The following IST1 variants were observed in gnomAD, a reference collection of about 807,000 sequenced individuals.
The protein encoded by IST1 is IST1 homolog.
IST1 carries 23 observed loss-of-function variants against 37.0 expected under a neutral mutation model. The observed-to-expected ratio is 0.62, with a 90% confidence interval of 0.45 to 0.88. IST1 has a LOEUF of 0.88. Ranked by LOEUF, IST1 falls within the 40% of genes least tolerant of loss-of-function variation. IST1 has a pLI of 0.00. For missense variants in IST1, 488 were observed against 445.4 expected (o/e 1.10, Z -0.86); for synonymous variants, 180 against 161.7 (o/e 1.11, Z -0.86).
At chr16:71,896,686 G>A (rs902113833) in intron 1 of IST1, among the ~76,000 whole-genome samples, 12 of 152,236 alleles carry the variant, frequency 7.9e-5, no homozygotes, top group Admixed American at 3.9e-4. Context: ...ATAGTCATTA[G>A]AAGATAAAAC....
At position 71,923,573 on chromosome 16, in the gene IST1, T is replaced by C. The variant is rs1425738370; in HGVS notation, c.852+193T>C. 1.4e-5 allele frequency: 6 copies of C among 435,492 alleles called. No individual in the cohort carries two copies. The East Asian group carries it at 2.5e-4, about 18-fold the overall frequency. The allele number at this position is 435,492 out of a possible 1,614,324, so 27.0% of individuals were successfully genotyped here. A position where few individuals can be genotyped will look rare whatever the true frequency, so the allele number is the denominator to read the frequency against. ...TGGGTGGTGATGGCAGTATCATTGG[T>C]GGCAATGCTTTGTCTGCAATTAAGC... On this transcript the variant is annotated intron_variant, in intron 8 of 9. Transcript: ENST00000378799.
At chr16:71,906,129 G>A (rs1190633121) in intron 1 of IST1, among the ~76,000 whole-genome samples, 2 of 150,116 alleles carry the variant, frequency 1.3e-5, no homozygotes, top group East Asian at 2.0e-4. Context: ...TCAGCCTCCC[G>A]AGTAGCTGAG....
Position 71,922,689 on chromosome 16 carries a change from A to AAG in IST1, c.759+9_759+10insAG, listed in dbSNP as rs75418123. ...CACTGCCAAAGGGACCAGTAAGTAT[A>AAG]TATAAGTGTGGATGTAAGCTTTAGA... On this transcript the variant is annotated intron_variant, in intron 7 of 9. Coordinates refer to ENST00000378799, the MANE Select transcript of IST1 (RefSeq NM_001270975.2). 0.42 allele frequency: 552,709 copies of AAG among 1,325,540 alleles called. 102,001 individuals are homozygous for AAG. Among genetic ancestry groups the AAG allele is most frequent in the East Asian group, 0.73 (27,459 of 37,842 alleles). 82.1% of individuals were successfully genotyped at this position (1,325,540 alleles called of 1,614,324 possible). A position where few individuals can be genotyped will look rare whatever the true frequency, so the allele number is the denominator to read the frequency against.
Position 71,907,898 on chromosome 16 carries a change from C to T in IST1, c.-15-7728C>T, listed in dbSNP as rs575241811. 1.8e-4 allele frequency among the ~76,000 whole-genome samples: 28 copies of T among 152,358 alleles called. 1 individual carries two copies. Among genetic ancestry groups the T allele is most frequent in the African/African-American group, 6.5e-4 (27 of 41,594 alleles). ...CTAGACTCAAGCAGTCCTCCTGCCTCAGCCCCCTGAGAAGCAAGGATTAGT... is the reference window on the plus strand; with the variant it reads ...CTAGACTCAAGCAGTCCTCCTGCCTTAGCCCCCTGAGAAGCAAGGATTAGT... On this transcript the variant is annotated intron_variant, in intron 1 of 9. Coordinates refer to ENST00000378799, the MANE Select transcript of IST1 (RefSeq NM_001270975.2).
chr16:71,924,913 A>G, intron 9 of IST1, 96 bp downstream of exon 9: 1 of 841,582 alleles, frequency 1.2e-6, no homozygotes, highest in East Asian at 2.5e-5. Context: ...TTCCATGTCC[A>G]TGGACTTCTA....
At chr16:71,927,162 T>G (rs748026908) in intron 9 of IST1, among the ~76,000 whole-genome samples, 7 of 152,202 alleles carry the variant, frequency 4.6e-5, no homozygotes, top group Non-Finnish European at 1.0e-4. Flanking sequence ...AATTAGAAAA[T>G]GTAGATATTA....
intron 4 of IST1, among the ~76,000 whole-genome samples, chr16:71,919,533 CG>C (rs2037534381): frequency 6.6e-6 from 1 of 152,176 alleles, no homozygotes; most frequent in South Asian, 2.1e-4. Context: ...ACAAGAGGTG[CG>C]TGCCACCATG....
chr16:71,902,766 T>C (rs1567460740), intron 1 of IST1, among the ~76,000 whole-genome samples: 2 of 152,228 alleles, frequency 1.3e-5, no homozygotes, highest in African/African-American at 4.8e-5. Flanking sequence ...CTGATACTGA[T>C]AATTTATATG....
chr16:71,906,247 C>T (rs1239838793), intron 1 of IST1, among the ~76,000 whole-genome samples: 2 of 151,880 alleles, frequency 1.3e-5, no homozygotes, highest in Non-Finnish European at 2.9e-5. Flanking sequence ...TCGTGATCCA[C>T]CCACCTCAGC....
Position 71,929,687 on chromosome 16 carries a change from TGAA to T in IST1, c.*1877_*1879del. On this transcript the variant is annotated 3_prime_UTR_variant, in exon 10 of 10. Coordinates refer to ENST00000378799, the MANE Select transcript of IST1 (RefSeq NM_001270975.2). ...ATTAGTGCAGCTTCTTTCTGAGTAT[TGAA>T]GACAAAAAGAGAAAAGTGAGAAAAT... 6.5e-7 allele frequency: 1 copy of T among 1,527,684 alleles called. No homozygotes were observed. Among genetic ancestry groups the T allele is most frequent in the Non-Finnish European group, 8.8e-7 (1 of 1,138,298 alleles). The allele number at this position is 1,527,684 out of a possible 1,614,324, so 94.6% of individuals were successfully genotyped here. A position where few individuals can be genotyped will look rare whatever the true frequency, so the allele number is the denominator to read the frequency against.
In IST1 at chr16:71,927,775, C is replaced by A. The variant is rs1245613953; in HGVS notation, c.1063C>A (p.Leu355Ile). 7.4e-6 allele frequency: 12 copies of A among 1,614,080 alleles called. No homozygotes were observed. The highest frequency in any genetic ancestry group is 1.0e-5 in the Non-Finnish European group (12 of 1,179,936). The stretch of plus-strand genomic sequence containing the variant: ...ATCTGAAGACATTGACTTTGATGAT[C>A]TTTCCCGGAGGTTTGAAGAGCTGAA... Reference protein sequence around the residue: ...SASEDIDFDDLSRRFEELKKK... With the variant: ...SASEDIDFDDISRRFEELKKK... Residue 355 changes from leucine to isoleucine, a missense_variant, in exon 10 of 10, where the codon CTT (leucine) becomes ATT (isoleucine). Physicochemically the swap from Leu to Ile is conservative, Grantham distance 5 (BLOSUM62 2). Transcript: ENST00000378799.
intron 9 of IST1, 102 bp downstream of exon 9, chr16:71,924,919 T>TTCTA: frequency 2.5e-6 from 2 of 798,184 alleles, no homozygotes; most frequent in South Asian, 1.5e-5. Context: ...GTCCATGGAC[T>TTCTA]TCTATCTGCA....
Position 71,917,259 on chromosome 16 carries a change from G to C in IST1, c.357+125G>C, listed in dbSNP as rs1031453930. ...CCATTCTTATGTTGCTTTTGAAATA[G>C]GTTTTGTAAATTTGTTTCTCCCTTT... On this transcript the variant is annotated intron_variant, in intron 4 of 9. Transcript: ENST00000378799. The C allele has an allele frequency of 1.7e-5, 10 of 579,190 alleles. No homozygotes were observed. The African/African-American group carries it at 1.9e-4, about 11-fold the overall frequency. The allele number at this position is 579,190 out of a possible 1,614,324, so 35.9% of individuals were successfully genotyped here.
At chr16:71,896,243 C>T (rs1017649039) in intron 1 of IST1, among the ~76,000 whole-genome samples, 14 of 152,090 alleles carry the variant, frequency 9.2e-5, no homozygotes, top group African/African-American at 3.4e-4. Flanking sequence ...GCTCTTCTTC[C>T]GGGGTGCTGG....
At chr16:71,897,914 A>C (rs1426114911) in intron 1 of IST1, among the ~76,000 whole-genome samples, 2 of 152,150 alleles carry the variant, frequency 1.3e-5, no homozygotes, top group Admixed American at 6.6e-5. Context: ...GTGCCACTGC[A>C]CTCCAGCCTG....
intron 1 of IST1, among the ~76,000 whole-genome samples, chr16:71,907,614 A>G (rs1311067020): frequency 1.3e-5 from 2 of 152,126 alleles, no homozygotes; most frequent in South Asian, 2.1e-4. Context: ...TCATTAAGAC[A>G]TTAAGACCCC....
Position 71,929,450 on chromosome 16 carries a change from C to CA in IST1, c.*1640dup. The CA allele has an allele frequency of 7.7e-7, 1 of 1,292,432 alleles. No individual in the cohort carries two copies. 80.1% of individuals were successfully genotyped at this position (1,292,432 alleles called of 1,614,324 possible). On this transcript the variant is annotated 3_prime_UTR_variant, in exon 10 of 10. Coordinates refer to ENST00000378799, the MANE Select transcript of IST1 (RefSeq NM_001270975.2). Reference sequence around the variant, plus strand: ...GATTCCTAACTTACAGAATTAAAAACAAAGTATATTATAATTTTAAAGCTA... The same window carrying CA: ...GATTCCTAACTTACAGAATTAAAAACAAAAGTATATTATAATTTTAAAGCTA...
At chr16:71,919,588 T>G (rs2037535425) in intron 4 of IST1, among the ~76,000 whole-genome samples, 1 of 152,222 alleles carries the variant, frequency 6.6e-6, no homozygotes, top group South Asian at 2.1e-4. Flanking sequence ...ACTAGGGTTT[T>G]GCTGCGTTGC....
chr16:71,920,197 A>T (rs1208758708), intron 4 of IST1, among the ~76,000 whole-genome samples: 1 of 152,232 alleles, frequency 6.6e-6, no homozygotes, highest in Non-Finnish European at 1.5e-5. Context: ...AACATTCCCA[A>T]ATAAGGAAGG....
Sources: allele counts gnomAD v4.1 joint callset (sites outside exome capture counted in the v4.1 genomes callset), GRCh38; gene constraint gnomAD v4.1.1; transcripts MANE v1.5; gene names NCBI Gene and HGNC (gene_info 2026-07-23, HGNC 2026-07-21).